Variants in HUWE1 observed in about 807,000 individuals in gnomAD.
HUWE1 encodes HECT, UBA and WWE domain containing E3 ubiquitin protein ligase 1, also known as E3 ubiquitin-protein ligase HUWE1.
A neutral mutation model predicts 299.4 loss-of-function variants in HUWE1; 18 were observed. The observed-to-expected ratio is 0.06, with a 90% CI of 0.04 to 0.09. HUWE1 has a LOEUF of 0.09. Among genes scored for constraint, HUWE1 ranks in the 10% least tolerant of loss-of-function variants. The pLI is 1.00. For synonymous variants in HUWE1, 1,317 were observed against 1,286.1 expected (o/e 1.02, Z -0.51); for missense variants, 1,832 against 3,462.3 (o/e 0.53, Z 11.82).
chrX:53,670,355 T>C (rs182489355), intron 3 of HUWE1, among the ~76,000 whole-genome samples: 3 of 111,688 alleles, frequency 2.7e-5, no homozygotes, highest in South Asian at 7.4e-4. Context: ...GTGAAAACAA[T>C]ACTGGACTAG....
chrX:53,579,966 A>T (rs1244412), intron 43 of HUWE1: 39,356 of 108,568 alleles, frequency 0.36, 5,902 homozygotes, highest in South Asian at 0.52. Context: ...ATTAAAAAAA[A>T]AAAATAAAAT....
At chrX:53,645,738 T>A (rs1425021652) in intron 6 of HUWE1, among the ~76,000 whole-genome samples, 244 of 17,061 alleles carry the variant, frequency 0.014, 53 homozygotes, top group African/African-American at 0.049. Context: ...AAAAAAAAAA[T>A]ATATATATAT....
chrX:53,555,066 G>C (rs1251055267), intron 60 of HUWE1, 146 bp from the exon 61 acceptor site: 2 of 418,510 alleles, frequency 4.8e-6, no homozygotes, highest in Admixed American at 4.4e-5. Flanking sequence ...GAACATCTCT[G>C]GTCTGGTATA....
At chrX:53,552,164 C>A in intron 63 of HUWE1, 147 bp downstream of exon 63, 1 of 615,835 alleles carries the variant, frequency 1.6e-6, no homozygotes, top group South Asian at 2.6e-5. Flanking sequence ...TTTCATTATG[C>A]CATACCAGCA....
chrX:53,635,630 AT>A (rs1319414157), intron 7 of HUWE1, among the ~76,000 whole-genome samples: 1 of 111,916 alleles, frequency 8.9e-6, no homozygotes, highest in East Asian at 2.8e-4. Context: ...GCATTATCAT[AT>A]TTTTAAGTCT....
At chrX:53,581,902 A>T (rs782042753) in intron 42 of HUWE1, among the ~76,000 whole-genome samples, 1 of 111,840 alleles carries the variant, frequency 8.9e-6, no homozygotes, top group East Asian at 2.8e-4. Flanking sequence ...ATCTTGGTAT[A>T]CTTGATGTTA....
At position 53,560,343 on chromosome X, in the gene HUWE1, A is replaced by G; in HGVS notation, c.7581T>C (p.Ser2527=). The change falls in exon 56 of 84, where the codon TCT becomes TCC. Residue 2527 remains serine, a synonymous_variant. Transcript: ENST00000262854. ...PLMVRHADHS[S]LTLGSGSSTT... is the part of the protein sequence containing the mutation. ...TTGAAGAGCCACTGCCCAGTGTCAG[A>G]GAACTGTGGTCTGCATGGCGCACCA... The G allele has an allele frequency of 8.3e-7, 1 of 1,211,870 alleles. No individual in the cohort carries two copies. The highest frequency in any genetic ancestry group is 1.7e-5 in the African/African-American group (1 of 57,837).
intron 22 of HUWE1, 47 bp from the exon 23 acceptor site, chrX:53,614,792 G>T: frequency 1.1e-6 from 1 of 902,222 alleles, no homozygotes. Flanking sequence ...TCATGGAATG[G>T]GGAGGAGGAG....
In HUWE1 at chrX:53,551,365, G is replaced by A. The variant is rs2061755816; in HGVS notation, c.8997C>T (p.Pro2999=). 1 of 1,209,724 alleles carries A rather than the reference G, an allele frequency of 8.3e-7. No individual in the cohort carries two copies. Among genetic ancestry groups the A allele is most frequent in the Non-Finnish European group, 1.1e-6 (1 of 894,438 alleles). Residue 2999 remains proline, a synonymous_variant, in exon 64 of 84, where the codon CCC becomes CCT. Coordinates refer to ENST00000262854, the MANE Select transcript of HUWE1 (RefSeq NM_031407.7). ...LGIRPPTRTA[P]STNSSAPAVV... is the part of the protein sequence containing the mutation. ...CTGCAGGCGCTGAGCTATTTGTGGA[G>A]GGGGCAGTCCGGGTTGGTGGACGAA...
intron 29 of HUWE1, among the ~76,000 whole-genome samples, chrX:53,598,482 T>TGAA (rs2064626483): frequency 9.0e-6 from 1 of 111,052 alleles, no homozygotes; most frequent in Non-Finnish European, 1.9e-5. Context: ...CCCACTTCCT[T>TGAA]CCTCCTCCTC....
chrX:53,618,490 A>C (rs1236744162), intron 19 of HUWE1, among the ~76,000 whole-genome samples: 1 of 111,389 alleles, frequency 9.0e-6, no homozygotes, highest in Non-Finnish European at 1.9e-5. Flanking sequence ...TGAAATGTAT[A>C]GTTTAATAAG....
rs377173672 is a variant in HUWE1, at chrX:53,606,730, T to C, written c.2496+793A>G. ...CTAAGTGAAAAAAGCCGGTCGCACA[T>C]ACAAAATATTTTATGATCCCACTTA... On this transcript the variant is annotated intron_variant, in intron 25 of 83. Coordinates refer to ENST00000262854, the MANE Select transcript of HUWE1 (RefSeq NM_031407.7). Among the ~76,000 whole-genome samples, 5 of 111,720 alleles carry C rather than the reference T, an allele frequency of 4.5e-5. No individual in the cohort carries two copies. The East Asian group carries it at 8.4e-4, about 19-fold the overall frequency.
At chrX:53,543,488 C>T (rs1485365172) in intron 73 of HUWE1, among the ~76,000 whole-genome samples, 1 of 110,595 alleles carries the variant, frequency 9.0e-6, no homozygotes, top group Non-Finnish European at 1.9e-5. Flanking sequence ...TGGTAGGATT[C>T]CTGAGATGTT....
rs781932206 is a variant in HUWE1 at position 53,547,804 on chromosome X, G to A, written c.10505C>T (p.Pro3502Leu). 3 of 1,201,138 alleles carry A rather than the reference G, an allele frequency of 2.5e-6. No individual in the cohort carries two copies. The highest frequency in any genetic ancestry group is 3.0e-5 in the East Asian group (1 of 33,432). Residue 3502 changes from proline (P) to leucine (L), a missense_variant, in exon 68 of 84, where the codon CCC becomes CTC. Coordinates refer to ENST00000262854, the MANE Select transcript of HUWE1 (RefSeq NM_031407.7). ...TTTTTAASTT[P>L]TPPTAPTPVT... ...AGGGGTGGGTGCAGTAGGGGGTGTG[G>A]GCGTGGTGGAGGCGGCAGTGGTGGT...
At position 53,533,102 on chromosome X, in the gene HUWE1, GAGA is replaced by G. The variant is rs1170673993; in HGVS notation, c.*204_*206del. 3 of 433,736 alleles carry G rather than the reference GAGA, an allele frequency of 6.9e-6. No individual in the cohort carries two copies. The highest frequency in any genetic ancestry group is 5.0e-5 in the African/African-American group (2 of 39,822). The allele number at this position is 433,736 out of a possible 1,213,427, so 35.7% of individuals were successfully genotyped here. A position where few individuals can be genotyped will look rare whatever the true frequency, so the allele number is the denominator to read the frequency against. On this transcript the variant is annotated 3_prime_UTR_variant, in exon 84 of 84. Transcript: ENST00000262854. ...GATCATGGACGGCATGGAAAGGGGAGAGAAGGTGAGGAAACAGGCGGCGGGGAG... is the reference window on the plus strand; with the variant it reads ...GATCATGGACGGCATGGAAAGGGGAGAGGTGAGGAAACAGGCGGCGGGGAG...
intron 28 of HUWE1, among the ~76,000 whole-genome samples, chrX:53,601,191 T>C (rs1440966146): frequency 1.8e-5 from 2 of 109,578 alleles, no homozygotes; most frequent in African/African-American, 6.7e-5. Flanking sequence ...ATACCTTTTT[T>C]TTTTTTTGGA....
chrX:53,679,921 C>T (rs192022262), intron 3 of HUWE1, 128 bp downstream of exon 3: 1 of 289,474 alleles, frequency 3.5e-6, no homozygotes, highest in East Asian at 4.9e-5. Flanking sequence ...CAACCAGTAC[C>T]ACATCAGATC....
intron 7 of HUWE1, among the ~76,000 whole-genome samples, chrX:53,641,109 T>G (rs1378630687): frequency 1.8e-5 from 2 of 111,695 alleles, no homozygotes; most frequent in Non-Finnish European, 3.8e-5. Context: ...TCCTAGGATT[T>G]ATGTCAAGTG....
chrX:53,654,242 A>G, intron 3 of HUWE1, 111 bp from the exon 4 acceptor site: 5 of 524,896 alleles, frequency 9.5e-6, no homozygotes, highest in Non-Finnish European at 1.3e-5. Flanking sequence ...TGCTTAAAGT[A>G]AAAACACTGG....
Sources: gnomAD v4.1 joint callset for allele counts (sites outside exome capture counted in the v4.1 genomes callset) on GRCh38, gnomAD v4.1.1 for gene constraint, MANE v1.5 for transcripts, NCBI Gene and HGNC (gene_info 2026-07-23, HGNC 2026-07-21) for gene names.